RBFOX1: variants seen among roughly 807,000 people sequenced by gnomAD.
The protein encoded by RBFOX1 is RNA binding protein fox-1 homolog 1.
A neutral mutation model predicts 57.7 loss-of-function variants in RBFOX1; 8 were observed. That is an observed-to-expected ratio of 0.14 (90% CI 0.08 to 0.25). The LOEUF is 0.25. RBFOX1 is among the 10% of genes least tolerant of loss of function. The pLI is 1.00. For synonymous variants in RBFOX1, 326 were observed against 222.4 expected (o/e 1.47, Z -4.15); for missense variants, 611 against 548.5 (o/e 1.11, Z -1.14).
chr16:7,540,946 T>G (rs2082752947), intron 5 of RBFOX1, among the ~76,000 whole-genome samples: 1 of 152,154 alleles, frequency 6.6e-6, no homozygotes, highest in African/African-American at 2.4e-5. Context: ...GGACCTTAGT[T>G]TGATGACCCT....
At position 5,379,441 on chromosome 16, in the gene RBFOX1, G is replaced by C. The variant is rs537765789; in HGVS notation, c.220-87775G>C. On this transcript the variant is annotated intron_variant, in intron 1 of 2. Coordinates refer to the RBFOX1 transcript ENST00000585867. ...GGGGTGGAGAGCTGTGGCTCTAATG[G>C]AAAGTGTGTCTGAAAACATAATCAT... Among the ~76,000 whole-genome samples, 89 of 147,364 alleles carry C rather than the reference G, an allele frequency of 6.0e-4. 7 individuals are homozygous for C. Among genetic ancestry groups the C allele is most frequent in the African/African-American group, 2.3e-3 (83 of 36,830 alleles).
At chr16:7,071,631 A>C (rs924219140) in intron 4 of RBFOX1, among the ~76,000 whole-genome samples, 2 of 151,392 alleles carry the variant, frequency 1.3e-5, no homozygotes, top group South Asian at 4.2e-4. Flanking sequence ...GTCTGTATAC[A>C]TAACCTGGGT....
chr16:5,882,936 G>A (rs943403131), intron 4 of RBFOX1, among the ~76,000 whole-genome samples: 1 of 152,168 alleles, frequency 6.6e-6, no homozygotes, highest in Non-Finnish European at 1.5e-5. Flanking sequence ...TATTTAAAAT[G>A]CAGTCTATTC....
intron 5 of RBFOX1, among the ~76,000 whole-genome samples, chr16:7,551,088 C>CAA (rs539169022): frequency 0.059 from 4,517 of 76,128 alleles, 147 homozygotes; most frequent in East Asian, 0.13. Context: ...GAGCGAGACT[C>CAA]AAAAAAAAAA....
chr16:7,521,492 TTTGCCC>T (rs1479265114), intron 5 of RBFOX1, among the ~76,000 whole-genome samples: 2 of 152,196 alleles, frequency 1.3e-5, no homozygotes, highest in Non-Finnish European at 1.5e-5. Flanking sequence ...GCTCCACATC[TTTGCCC>T]TGCAAAAAGA....
chr16:5,558,755 G>A (rs2045776377), intron 2 of RBFOX1, among the ~76,000 whole-genome samples: 1 of 152,038 alleles, frequency 6.6e-6, no homozygotes, highest in African/African-American at 2.4e-5. Context: ...TAGCTTTCTG[G>A]CCAAAGCCCC....
At chr16:5,992,444 G>T (rs763932243) in intron 4 of RBFOX1, among the ~76,000 whole-genome samples, 1 of 152,124 alleles carries the variant, frequency 6.6e-6, no homozygotes, top group East Asian at 1.9e-4. Context: ...ATGAAAATGC[G>T]TAAGACTGAA....
chr16:7,004,239 T>C (rs1568327028), intron 3 of RBFOX1: 1 of 152,156 alleles, frequency 6.6e-6, no homozygotes, highest in Non-Finnish European at 1.5e-5. Flanking sequence ...ATCTTATGCA[T>C]AGAAGAATAT....
chr16:7,525,236 C>G (rs1466912069), intron 5 of RBFOX1, among the ~76,000 whole-genome samples: 3 of 152,046 alleles, frequency 2.0e-5, no homozygotes, highest in African/African-American at 7.2e-5. Flanking sequence ...ACTTTGGCAC[C>G]TGCTTTATAT....
chr16:6,341,356 C>A (rs1008413714), intron 2 of RBFOX1, among the ~76,000 whole-genome samples: 1 of 152,080 alleles, frequency 6.6e-6, no homozygotes. Context: ...TCTTTTACCT[C>A]GTTCTTCTCC....
At chr16:5,529,506 C>T (rs1219765596) in intron 2 of RBFOX1, among the ~76,000 whole-genome samples, 1 of 151,468 alleles carries the variant, frequency 6.6e-6, no homozygotes, top group Non-Finnish European at 1.5e-5. Context: ...AAGCAATTCT[C>T]CTGCCTCAGC....
chr16:6,863,592 C>A (rs530018259), intron 3 of RBFOX1, among the ~76,000 whole-genome samples: 2 of 147,014 alleles, frequency 1.4e-5, no homozygotes, highest in South Asian at 4.3e-4. Context: ...TGTTCCTGGA[C>A]GCCATTTTTA....
At chr16:6,621,286 C>T (rs1233171352) in intron 2 of RBFOX1, among the ~76,000 whole-genome samples, 9 of 149,680 alleles carry the variant, frequency 6.0e-5, no homozygotes, top group East Asian at 2.0e-4. Context: ...ACGGTGAAAC[C>T]CCGTCTGTAC....
intron 2 of RBFOX1, among the ~76,000 whole-genome samples, chr16:6,511,145 TGTTACGCTGG>T (rs1414264129): frequency 1.3e-5 from 2 of 152,090 alleles, no homozygotes; most frequent in Admixed American, 1.3e-4. Flanking sequence ...TGCCTCCTGG[TGTTACGCTGG>T]GTTGGTGGAA....
At chr16:7,009,579 C>T (rs150500198) in intron 3 of RBFOX1, among the ~76,000 whole-genome samples, 15 of 152,160 alleles carry the variant, frequency 9.9e-5, no homozygotes, top group South Asian at 4.1e-4. Flanking sequence ...GCAGCAGTAA[C>T]GATGCCACAT....
At chr16:5,714,827 TG>T (rs1376628248) in intron 3 of RBFOX1, among the ~76,000 whole-genome samples, 1 of 152,174 alleles carries the variant, frequency 6.6e-6, no homozygotes, top group Non-Finnish European at 1.5e-5. Context: ...GTCACAGATG[TG>T]GGAACGGGGA....
intron 1 of RBFOX1, among the ~76,000 whole-genome samples, chr16:6,154,435 C>A (rs955491733): frequency 2.0e-5 from 3 of 152,108 alleles, no homozygotes; most frequent in Admixed American, 1.3e-4. Flanking sequence ...ATGACGTAGG[C>A]AGGGTATTGC....
At chr16:7,575,661 A>G (rs2093265124) in intron 5 of RBFOX1, among the ~76,000 whole-genome samples, 1 of 152,308 alleles carries the variant, frequency 6.6e-6, no homozygotes, top group Admixed American at 6.5e-5. Context: ...GTCCTCTACA[A>G]CTACAGGAGA....
At chr16:5,738,635 G>GAAAAAAAA (rs61011633) in intron 3 of RBFOX1, among the ~76,000 whole-genome samples, 14,281 of 60,394 alleles carry the variant, frequency 0.24, 1,410 homozygotes, top group East Asian at 0.43. Flanking sequence ...CTCTGTCTCA[G>GAAAAAAAA]AAAAAAAAAA....
Sources: allele counts gnomAD v4.1 joint callset (sites outside exome capture counted in the v4.1 genomes callset), GRCh38; gene constraint gnomAD v4.1.1; transcripts MANE v1.5; gene names NCBI Gene and HGNC (gene_info 2026-07-23, HGNC 2026-07-21).